UST: variants seen among roughly 807,000 people sequenced by gnomAD.
UST encodes the protein uronyl 2-sulfotransferase, also known as chondroitin sulfate 2-O-sulfotransferase.
UST carries 21 observed loss-of-function variants against 45.6 expected under a neutral mutation model. The observed-to-expected ratio is 0.46, with a 90% confidence interval of 0.33 to 0.66. The LOEUF is 0.66. UST is among the 30% of genes least tolerant of loss of function. UST has a pLI of 0.02. For synonymous variants in UST, 215 were observed against 200.6 expected (o/e 1.07, Z -0.61); for missense variants, 463 against 512.4 (o/e 0.90, Z 0.93).
intron 2 of UST, among the ~76,000 whole-genome samples, chr6:148,918,283 C>T (rs1020043554): frequency 1.3e-5 from 2 of 152,200 alleles, no homozygotes; most frequent in African/African-American, 4.8e-5. Context: ...TAAAAAGCTT[C>T]TAAAGACTTG....
At chr6:148,938,777 TAATAGTATA>T (rs1780067103) in intron 2 of UST, among the ~76,000 whole-genome samples, 1 of 150,754 alleles carries the variant, frequency 6.6e-6, no homozygotes, top group African/African-American at 2.4e-5. Context: ...ATAAAGTAGA[TAATAGTATA>T]AATAGTATAT....
chr6:148,906,211 T>G (rs1779356421), intron 2 of UST, among the ~76,000 whole-genome samples: 1 of 149,876 alleles, frequency 6.7e-6, no homozygotes, highest in African/African-American at 2.5e-5. Flanking sequence ...CTGCCTGGCT[T>G]TGATCTTCAT....
intron 5 of UST, among the ~76,000 whole-genome samples, chr6:149,017,790 A>G (rs1165779567): frequency 1.0e-5 from 1 of 100,202 alleles, no homozygotes; most frequent in African/African-American, 4.2e-5. Context: ...AGCAATGAAT[A>G]TCCATATATA....
intron 2 of UST, among the ~76,000 whole-genome samples, chr6:148,912,824 G>C (rs186822149): frequency 8.7e-4 from 133 of 152,332 alleles, no homozygotes; most frequent in Middle Eastern, 3.4e-3. Flanking sequence ...CAACAAGGTG[G>C]CTGTTTCACA....
chr6:148,995,714 A>T (rs1467038719), intron 5 of UST, among the ~76,000 whole-genome samples: 1 of 152,240 alleles, frequency 6.6e-6, no homozygotes, highest in Non-Finnish European at 1.5e-5. Context: ...GATCTCACAC[A>T]AAGATCCAAA....
chr6:148,966,842 T>C (rs146269959), intron 5 of UST, among the ~76,000 whole-genome samples: 1 of 152,226 alleles, frequency 6.6e-6, no homozygotes. Flanking sequence ...GTTCAAGCGA[T>C]TCTCCTGCTT....
At chr6:148,831,048 TGAAAGAAAAA>T (rs935077966) in intron 1 of UST, among the ~76,000 whole-genome samples, 1 of 128,394 alleles carries the variant, frequency 7.8e-6, no homozygotes. Context: ...AAAAGAAAGA[TGAAAGAAAAA>T]GAAAGAAAAG....
intron 5 of UST, among the ~76,000 whole-genome samples, chr6:149,008,924 C>T (rs1380641647): frequency 6.6e-6 from 1 of 152,218 alleles, no homozygotes; most frequent in African/African-American, 2.4e-5. Flanking sequence ...CACAGCTCTC[C>T]ATCAGTTTTT....
chr6:149,028,095 C>T (rs984360080), intron 7 of UST, among the ~76,000 whole-genome samples: 19 of 152,030 alleles, frequency 1.2e-4, no homozygotes, highest in African/African-American at 4.1e-4. Flanking sequence ...CCACCTGCCT[C>T]GGCCTCCGAA....
chr6:148,781,554 G>C (rs1198376406), intron 1 of UST, among the ~76,000 whole-genome samples: 1 of 152,198 alleles, frequency 6.6e-6, no homozygotes, highest in Admixed American at 6.5e-5. Context: ...AGCTGCAACA[G>C]GTCATCTAGG....
intron 1 of UST, among the ~76,000 whole-genome samples, chr6:148,786,162 C>A (rs1161511093): frequency 1.3e-5 from 2 of 151,716 alleles, no homozygotes; most frequent in African/African-American, 4.8e-5. Flanking sequence ...AGTTTCAACT[C>A]TCAATTTTTA....
chr6:148,877,284 T>C (rs1342010617), intron 1 of UST, among the ~76,000 whole-genome samples: 21 of 25,726 alleles, frequency 8.2e-4, no homozygotes, highest in African/African-American at 1.7e-3. Context: ...TGCGGGGAGT[T>C]GTGTATGAGT....
intron 7 of UST, among the ~76,000 whole-genome samples, chr6:149,047,793 A>G (rs1776415464): frequency 6.6e-6 from 1 of 152,208 alleles, no homozygotes; most frequent in Admixed American, 6.5e-5. Flanking sequence ...TTTTTAGCTT[A>G]AAGTGATTCT....
chr6:149,055,398 C>T (rs1018076258), intron 7 of UST, among the ~76,000 whole-genome samples: 6 of 152,144 alleles, frequency 3.9e-5, no homozygotes, highest in Non-Finnish European at 7.3e-5. Flanking sequence ...ATTTCATGCC[C>T]CAATAAAACT....
chr6:148,901,715 G>T lies in UST; in HGVS notation c.291+14686G>T, dbSNP rs9485338. ...TGGGATTGCAGGCGCCTGCCACCAC[G>T]CCCAGCTAATTTTTGTATTTTTAGT... On this transcript the variant is annotated intron_variant, in intron 2 of 7. Coordinates refer to ENST00000367463, the MANE Select transcript of UST (RefSeq NM_005715.3). 8.0e-3 allele frequency among the ~76,000 whole-genome samples: 1,210 copies of T among 152,044 alleles called. 13 individuals are homozygous for T. The highest frequency in any genetic ancestry group is 0.028 in the African/African-American group (1,147 of 41,482).
chr6:148,994,362 A>G (rs1037393549), intron 5 of UST, among the ~76,000 whole-genome samples: 30 of 152,210 alleles, frequency 2.0e-4, no homozygotes, highest in African/African-American at 6.0e-4. Flanking sequence ...TAAATTAATG[A>G]AAAACAATTT....
chr6:148,790,471 C>T lies in UST; in HGVS notation c.247+42794C>T, dbSNP rs903373534. ...AGGGGTAGATGGCATACCTCCTTGGCGAATCTGATTTTGAAGTCCGTGCCC... is the reference window on the plus strand; with the variant it reads ...AGGGGTAGATGGCATACCTCCTTGGTGAATCTGATTTTGAAGTCCGTGCCC... On this transcript the variant is annotated intron_variant, in intron 1 of 7. Coordinates refer to ENST00000367463, the MANE Select transcript of UST (RefSeq NM_005715.3). This position sits in a 1 kb window ranked among gnomAD's most constrained non-coding sequence, Gnocchi z 4.2. 5.9e-5 allele frequency among the ~76,000 whole-genome samples: 9 copies of T among 152,172 alleles called. No individual in the cohort carries two copies. The highest frequency in any genetic ancestry group is 5.9e-4 in the Admixed American group (9 of 15,278).
At chr6:148,874,955 G>A (rs369197082) in intron 1 of UST, among the ~76,000 whole-genome samples, 10 of 152,328 alleles carry the variant, frequency 6.6e-5, no homozygotes, top group African/African-American at 2.2e-4. Context: ...GTCTTATCAA[G>A]GCCTGGACTC....
At chr6:148,812,933 T>C (rs1257554668) in intron 1 of UST, among the ~76,000 whole-genome samples, 1 of 152,162 alleles carries the variant, frequency 6.6e-6, no homozygotes, top group Non-Finnish European at 1.5e-5. Context: ...TTCCTTTTTA[T>C]TGGTAAATGA....
Sources: gnomAD v4.1 joint callset for allele counts (sites outside exome capture counted in the v4.1 genomes callset) on GRCh38, gnomAD v4.1.1 for gene constraint, Gnocchi (gnomAD v3.1) non-coding constraint, MANE v1.5 for transcripts, NCBI Gene and HGNC (gene_info 2026-07-23, HGNC 2026-07-21) for gene names.